The following NRXN1 variants were observed in gnomAD, a reference collection of about 807,000 sequenced individuals.
NRXN1 encodes neurexin 1, also known as neurexin-1.
In NRXN1, 39 loss-of-function variants were observed where a neutral mutation model predicts 150.9. The ratio of observed to expected loss-of-function variants is 0.26; its 90% CI spans 0.20 to 0.34. NRXN1 has a LOEUF of 0.34. NRXN1 is among the 10% of genes least tolerant of loss of function. The probability of loss-of-function intolerance (pLI) is 1.00; values close to 1 mark genes in which losing one functional copy is unlikely to be tolerated. For synonymous variants in NRXN1, 924 were observed against 757.0 expected (o/e 1.22, Z -3.62); for missense variants, 1,815 against 1,949.9 (o/e 0.93, Z 1.30).
At chr2:50,999,711 T>C (rs896520165) in intron 2 of NRXN1, among the ~76,000 whole-genome samples, 7 of 152,076 alleles carry the variant, frequency 4.6e-5, no homozygotes, top group South Asian at 2.1e-4. Flanking sequence ...AGGTCAAACA[T>C]TTTGGAGCCA....
At chr2:50,558,759 T>G (rs1668609595) in intron 8 of NRXN1, among the ~76,000 whole-genome samples, 1 of 152,200 alleles carries the variant, frequency 6.6e-6, no homozygotes. Context: ...ATGCTTTTAC[T>G]CTATTAAGAC....
intron 17 of NRXN1, among the ~76,000 whole-genome samples, chr2:50,259,853 T>C (rs1056760246): frequency 6.6e-6 from 1 of 151,886 alleles, no homozygotes; most frequent in Non-Finnish European, 1.5e-5. Flanking sequence ...GTACAAGTTA[T>C]TGTACTTAGT....
chr2:50,802,500 T>TGAAA (rs1254451543), intron 5 of NRXN1, among the ~76,000 whole-genome samples: 5,841 of 88,410 alleles, frequency 0.066, 781 homozygotes, highest in Middle Eastern at 0.11. Flanking sequence ...GAAAGAGAAA[T>TGAAA]GGAAGGAAGG....
At chr2:50,142,424 A>G (rs571609021) in intron 18 of NRXN1, among the ~76,000 whole-genome samples, 1 of 152,032 alleles carries the variant, frequency 6.6e-6, no homozygotes, top group East Asian at 1.9e-4. Flanking sequence ...AGTTAATAAA[A>G]TTGCATTTTA....
intron 5 of NRXN1, among the ~76,000 whole-genome samples, chr2:50,808,780 T>C (rs1667840549): frequency 6.6e-6 from 1 of 152,150 alleles, no homozygotes; most frequent in South Asian, 2.1e-4. Flanking sequence ...AACTAAAATA[T>C]TTCTTCGCTG....
chr2:50,555,422 G>C (rs1668085981), intron 8 of NRXN1, among the ~76,000 whole-genome samples: 1 of 152,206 alleles, frequency 6.6e-6, no homozygotes, highest in South Asian at 2.1e-4. Flanking sequence ...AGGTGACTTG[G>C]TGATGAAAAG....
chr2:50,888,006 G>A (rs533513235), intron 5 of NRXN1, among the ~76,000 whole-genome samples: 4 of 149,762 alleles, frequency 2.7e-5, no homozygotes, highest in African/African-American at 7.3e-5. Context: ...TGTATAATCA[G>A]TGGTATTTTC....
At chr2:50,174,539 T>TTGTGGC (rs2060233067) in intron 18 of NRXN1, 1 of 152,154 alleles carries the variant, frequency 6.6e-6, no homozygotes, top group East Asian at 1.9e-4. Flanking sequence ...ACTATACTAG[T>TTGTGGC]TACATTCATA....
intron 15 of NRXN1, among the ~76,000 whole-genome samples, chr2:50,475,786 G>T (rs1258260101): frequency 2.6e-5 from 4 of 151,818 alleles, no homozygotes; most frequent in African/African-American, 9.7e-5. Context: ...AGAGAACAAA[G>T]AAACTCCTTT....
chr2:50,263,066 A>C (rs1447226633), intron 17 of NRXN1, among the ~76,000 whole-genome samples: 1 of 151,768 alleles, frequency 6.6e-6, no homozygotes, highest in Non-Finnish European at 1.5e-5. Context: ...CACTGGCTGA[A>C]TTTTGTCTAT....
At position 49,919,622 on chromosome 2, in the gene NRXN1, C is replaced by A. The variant is rs1211940893; in HGVS notation, c.*2322G>T. The stretch of plus-strand genomic sequence containing the variant: ...TACACTTCCCTTCTTATTTAACTGG[C>A]TTTCCCTGAGTAAGACTGAATGAGA... On this transcript the variant is annotated 3_prime_UTR_variant, in exon 23 of 23. Transcript: ENST00000401669. 1 of 151,090 alleles carries A rather than the reference C, an allele frequency of 6.6e-6. No individual in the cohort carries two copies. Among genetic ancestry groups the A allele is most frequent in the African/African-American group, 2.4e-5 (1 of 41,206 alleles). 9.4% of individuals were successfully genotyped at this position (151,090 alleles called of 1,614,324 possible).
At chr2:50,140,128 A>G (rs1368363875) in intron 18 of NRXN1, among the ~76,000 whole-genome samples, 2 of 152,180 alleles carry the variant, frequency 1.3e-5, no homozygotes, top group African/African-American at 4.8e-5. Flanking sequence ...GAGCAAATGG[A>G]TTAAAATATA....
chr2:50,416,284 A>G (rs1475567406), intron 17 of NRXN1, among the ~76,000 whole-genome samples: 1 of 152,068 alleles, frequency 6.6e-6, no homozygotes, highest in Non-Finnish European at 1.5e-5. Context: ...AAAATATACC[A>G]AGAAAGGAGA....
chr2:50,658,342 C>T (rs1686792418), intron 5 of NRXN1, among the ~76,000 whole-genome samples: 1 of 149,310 alleles, frequency 6.7e-6, no homozygotes, highest in Non-Finnish European at 1.5e-5. Flanking sequence ...GCCTCAGAAA[C>T]AGGGCAAAAA....
chr2:50,730,890 G>T (rs1698019510), intron 5 of NRXN1, among the ~76,000 whole-genome samples: 1 of 151,834 alleles, frequency 6.6e-6, no homozygotes, highest in Non-Finnish European at 1.5e-5. Context: ...AGCCAGGATG[G>T]TCTGGATCTC....
chr2:50,481,156 C>T (rs887143438), intron 15 of NRXN1, among the ~76,000 whole-genome samples: 6 of 152,148 alleles, frequency 3.9e-5, no homozygotes, highest in Admixed American at 1.3e-4. Flanking sequence ...GTTAATTGTC[C>T]GTTAATCCAG....
intron 5 of NRXN1, among the ~76,000 whole-genome samples, chr2:50,796,221 T>C (rs1376373266): frequency 2.6e-5 from 4 of 152,184 alleles, no homozygotes; most frequent in African/African-American, 4.8e-5. Context: ...CTGCTGGTGA[T>C]AGAGAAAGTA....
At chr2:50,145,947 T>C (rs2152765529) in intron 18 of NRXN1, among the ~76,000 whole-genome samples, 1 of 151,622 alleles carries the variant, frequency 6.6e-6, no homozygotes, top group Non-Finnish European at 1.5e-5. Context: ...GTCAGTAGTC[T>C]AGGGATGACA....
intron 5 of NRXN1, among the ~76,000 whole-genome samples, chr2:50,890,106 G>A (rs1039070149): frequency 9.2e-5 from 14 of 151,668 alleles, no homozygotes; most frequent in African/African-American, 3.4e-4. Context: ...ACACAAATAT[G>A]CACTGGGCAG....
Sources: allele counts gnomAD v4.1 joint callset (sites outside exome capture counted in the v4.1 genomes callset), GRCh38; gene constraint gnomAD v4.1.1; transcripts MANE v1.5; gene names NCBI Gene and HGNC (gene_info 2026-07-23, HGNC 2026-07-21).